EVI5: variants seen among roughly 807,000 people sequenced by gnomAD.
The protein encoded by EVI5 is ecotropic viral integration site 5 protein homolog.
EVI5 carries 73 observed loss-of-function variants against 112.0 expected under a neutral mutation model. The observed-to-expected ratio is 0.65, with a 90% CI of 0.54 to 0.79. The LOEUF (loss-of-function observed/expected upper bound fraction) is 0.79, where lower values mean the gene tolerates loss of function less well. EVI5 is among the 30% of genes least tolerant of loss of function. EVI5 has a pLI of 0.00. For synonymous variants in EVI5, 305 were observed against 319.9 expected, an observed-to-expected ratio of 0.95 and a Z score of 0.50; for missense variants, 900 against 968.8, an observed-to-expected ratio of 0.93 and a Z score of 0.94.
intron 19 of EVI5, among the ~76,000 whole-genome samples, chr1:92,562,769 A>C (rs1048772923): frequency 2.0e-5 from 3 of 152,194 alleles, no homozygotes; most frequent in African/African-American, 7.2e-5. Context: ...AAACATACAG[A>C]CTTTAACTGA....
At chr1:92,576,996 G>A (rs748417713) in intron 18 of EVI5, among the ~76,000 whole-genome samples, 2 of 152,140 alleles carry the variant, frequency 1.3e-5, no homozygotes, top group Non-Finnish European at 2.9e-5. Context: ...GAAAATAAGT[G>A]CTGAGTGCCA....
At chr1:92,672,674 T>C (rs1009524231) in intron 10 of EVI5, among the ~76,000 whole-genome samples, 3 of 152,224 alleles carry the variant, frequency 2.0e-5, no homozygotes, top group Admixed American at 2.0e-4. Context: ...CATAACCACA[T>C]TTCAAGTGCC....
At chr1:92,677,031 A>T in intron 10 of EVI5, 127 bp downstream of exon 10, 1 of 640,576 alleles carries the variant, frequency 1.6e-6, no homozygotes, top group African/African-American at 1.9e-5. Context: ...TGAAATGTCT[A>T]TTTTTAACTA....
chr1:92,740,798 A>G (rs1314367612), intron 1 of EVI5, among the ~76,000 whole-genome samples: 3 of 152,204 alleles, frequency 2.0e-5, no homozygotes, highest in African/African-American at 4.8e-5. Flanking sequence ...AGTCATATGG[A>G]AAAGTATCTA....
intron 2 of EVI5, among the ~76,000 whole-genome samples, chr1:92,719,189 A>G (rs1365017430): frequency 6.6e-6 from 1 of 151,214 alleles, no homozygotes; most frequent in Non-Finnish European, 1.5e-5. Context: ...TCCCTAACTC[A>G]TTTTCTGAGG....
At chr1:92,783,369 T>C (rs1435938831) in intron 1 of EVI5, among the ~76,000 whole-genome samples, 2 of 26,190 alleles carry the variant, frequency 7.6e-5, no homozygotes, top group African/African-American at 2.8e-4. Context: ...CTACTAAAAA[T>C]ACAAAAAAAA....
chr1:92,522,395 TG>T (rs965382521), intron 19 of EVI5, among the ~76,000 whole-genome samples: 5 of 152,104 alleles, frequency 3.3e-5, no homozygotes, highest in African/African-American at 1.2e-4. Flanking sequence ...CTCAGCACTT[TG>T]GGAGGCCAAG....
intron 13 of EVI5, among the ~76,000 whole-genome samples, chr1:92,649,581 T>C (rs1438904348): frequency 1.3e-5 from 2 of 152,164 alleles, no homozygotes; most frequent in Non-Finnish European, 2.9e-5. Context: ...TTTGGGAGGC[T>C]GAGGCAGGCA....
chr1:92,514,697 C>T (rs1248912614), intron 19 of EVI5, among the ~76,000 whole-genome samples: 1 of 152,174 alleles, frequency 6.6e-6, no homozygotes. Context: ...AATCTTTTTA[C>T]ATTACACACC....
At chr1:92,651,484 C>T (rs1662077913) in intron 13 of EVI5, among the ~76,000 whole-genome samples, 1 of 152,180 alleles carries the variant, frequency 6.6e-6, no homozygotes, top group African/African-American at 2.4e-5. Context: ...CAATGAGATA[C>T]TACCCCACAC....
chr1:92,776,640 T>C (rs1436852357), intron 1 of EVI5, among the ~76,000 whole-genome samples: 1 of 151,528 alleles, frequency 6.6e-6, no homozygotes, highest in Non-Finnish European at 1.5e-5. Context: ...CATGACTTTT[T>C]TTTTTTTTTT....
chr1:92,607,192 C>T (rs2101599003), intron 17 of EVI5, among the ~76,000 whole-genome samples: 1 of 152,236 alleles, frequency 6.6e-6, no homozygotes, highest in Middle Eastern at 3.4e-3. Context: ...ATGTTATTAA[C>T]ATTACTGCCC....
chr1:92,655,871 G>A (rs1662911643), intron 13 of EVI5, among the ~76,000 whole-genome samples: 1 of 152,138 alleles, frequency 6.6e-6, no homozygotes, highest in Non-Finnish European at 1.5e-5. Flanking sequence ...TCCTGAGACA[G>A]TGCCTTGGAA....
chr1:92,715,091 C>T (rs1017370659), intron 2 of EVI5, among the ~76,000 whole-genome samples: 1 of 151,966 alleles, frequency 6.6e-6, no homozygotes, highest in African/African-American at 2.4e-5. Flanking sequence ...CTGCAACCTC[C>T]GCCTCCCAGG....
chr1:92,688,421 A>C (rs1165817891), intron 9 of EVI5, among the ~76,000 whole-genome samples: 1 of 152,156 alleles, frequency 6.6e-6, no homozygotes, highest in East Asian at 1.9e-4. Flanking sequence ...TTGCTCTCTC[A>C]GGGGATGCTC....
At chr1:92,612,113 T>C (rs946479823) in intron 16 of EVI5, among the ~76,000 whole-genome samples, 1 of 152,068 alleles carries the variant, frequency 6.6e-6, no homozygotes, top group African/African-American at 2.4e-5. Flanking sequence ...TTCTAAATGT[T>C]TGGAAAGGAT....
intron 19 of EVI5, among the ~76,000 whole-genome samples, chr1:92,526,011 C>G (rs1391104120): frequency 6.6e-6 from 1 of 152,120 alleles, no homozygotes; most frequent in African/African-American, 2.4e-5. Flanking sequence ...CTTTCCAAGA[C>G]TTTGAGTAGG....
intron 9 of EVI5, among the ~76,000 whole-genome samples, chr1:92,684,307 T>G (rs755232840): frequency 7.9e-5 from 12 of 152,152 alleles, no homozygotes; most frequent in Non-Finnish European, 1.2e-4. Flanking sequence ...AAACTAAGCT[T>G]CAGAAGTGAA....
At chr1:92,671,829 A>T (rs7519694) in intron 10 of EVI5, among the ~76,000 whole-genome samples, 4 of 149,160 alleles carry the variant, frequency 2.7e-5, no homozygotes, top group African/African-American at 2.5e-5. Flanking sequence ...TTAAGACAGG[A>T]TTTCACTCTG....
Sources: gnomAD v4.1 joint callset for allele counts (sites outside exome capture counted in the v4.1 genomes callset) on GRCh38, gnomAD v4.1.1 for gene constraint, MANE v1.5 for transcripts, NCBI Gene and HGNC (gene_info 2026-07-23, HGNC 2026-07-21) for gene names.